DEF8: variants seen among roughly 807,000 people sequenced by gnomAD.
DEF8 encodes DEF-8.
In DEF8, 38 loss-of-function variants were observed where a neutral mutation model predicts 59.1. The observed-to-expected ratio is 0.64, with a 90% CI of 0.50 to 0.84. The LOEUF is 0.84. Ranked by LOEUF, DEF8 falls within the 40% of genes least tolerant of loss-of-function variation. The pLI, the probability that DEF8 is intolerant of heterozygous loss-of-function variation, is 0.00. For missense variants in DEF8, 557 were observed against 615.2 expected, an observed-to-expected ratio of 0.91 and a Z score of 1.00; for synonymous variants, 265 against 250.1, an observed-to-expected ratio of 1.06 and a Z score of -0.56.
At position 89,964,325 on chromosome 16, in the gene DEF8, G is replaced by C; in HGVS notation, c.1143+15G>C. ...TGGACTGCGAGGTGGGCCTCTGCCC[G>C]AGGGCCGCTCTTCTCCAACCCCAGC... On this transcript the variant is annotated intron_variant, in intron 11 of 12. Transcript: ENST00000563594. 6 of 1,570,944 alleles carry C rather than the reference G, an allele frequency of 3.8e-6. No homozygotes were observed. Among genetic ancestry groups the C allele is most frequent in the South Asian group, 1.2e-5 (1 of 85,778 alleles).
Position 89,954,276 on chromosome 16 carries a change from C to T in DEF8, c.24C>T (p.Ala8=). Reference sequence around the variant, plus strand: ...CTATGGAATATGATGAGAAGCTGGCCCGTTTCCGGCAGGCCCACCTCAACC... The same window carrying T: ...CTATGGAATATGATGAGAAGCTGGCTCGTTTCCGGCAGGCCCACCTCAACC... The part of the protein sequence containing the change: MEYDEKL[A]RFRQAHLNPF... Residue 8 remains alanine, a synonymous_variant, in exon 3 of 13, where the codon GCC becomes GCT. Coordinates refer to ENST00000563594, the MANE Select transcript of DEF8 (RefSeq NM_001242818.2). The surrounding 1 kb of genome is among the most constrained non-coding windows in gnomAD (Gnocchi z 4.3). 1.2e-6 allele frequency: 2 copies of T among 1,613,264 alleles called. No homozygotes were observed. The highest frequency in any genetic ancestry group is 1.7e-6 in the Non-Finnish European group (2 of 1,179,954).
At chr16:89,963,532 T>G (rs2034297019) in intron 10 of DEF8, 89 bp downstream of exon 10, 1 of 1,081,678 alleles carries the variant, frequency 9.2e-7, no homozygotes, top group Non-Finnish European at 1.4e-6. Context: ...GGACAGCTTG[T>G]GCGTGGAGTG....
chr16:89,955,151 G>A lies in DEF8; in HGVS notation c.125-18G>A. ...AGGTAGCAGCTGACGCTCCACACCT[G>A]TCCCCGTCTTCCTCCAGAGGCCCTG... On this transcript the variant is annotated intron_variant, in intron 3 of 12. Transcript: ENST00000563594. 1.2e-6 allele frequency: 2 copies of A among 1,603,230 alleles called. No individual in the cohort carries two copies. Among genetic ancestry groups the A allele is most frequent in the Non-Finnish European group, 1.7e-6 (2 of 1,171,950 alleles).
chr16:89,954,663 C>T lies in DEF8; in HGVS notation c.124+287C>T, dbSNP rs1232850314. On this transcript the variant is annotated intron_variant, in intron 3 of 12. Transcript: ENST00000563594. This position sits in a 1 kb window ranked among gnomAD's most constrained non-coding sequence, Gnocchi z 4.3. ...GGGAACACTTGCTGAGTGCGGTCAGCGCTGAGACCTGGTAAGGGAGAGGTT... is the reference window on the plus strand; with the variant it reads ...GGGAACACTTGCTGAGTGCGGTCAGTGCTGAGACCTGGTAAGGGAGAGGTT... Among the ~76,000 whole-genome samples the T allele has an allele frequency of 3.9e-5, 6 of 152,180 alleles. No individual in the cohort carries two copies. The highest frequency in any genetic ancestry group is 1.3e-4 in the Admixed American group (2 of 15,282).
At chr16:89,952,129 G>A (rs1262609291) in intron 2 of DEF8, among the ~76,000 whole-genome samples, 7 of 151,972 alleles carry the variant, frequency 4.6e-5, no homozygotes, top group African/African-American at 4.8e-5. Flanking sequence ...CGCCCGCCTC[G>A]GCCTCCCAAT....
intron 4 of DEF8, 194 bp from the exon 5 acceptor site, chr16:89,957,317 G>A (rs1361711708): frequency 3.6e-6 from 2 of 553,282 alleles, no homozygotes; most frequent in Non-Finnish European, 6.3e-6. Flanking sequence ...CTAGGAGCAC[G>A]CAGCACCGGG....
At chr16:89,961,143 G>C (rs778484153) in intron 7 of DEF8, 48 bp downstream of exon 7, 102 of 1,585,544 alleles carry the variant, frequency 6.4e-5, no homozygotes, top group Non-Finnish European at 8.3e-5. Context: ...GTTCCTGGCG[G>C]GGAGCCGGGT....
At chr16:89,964,353 T>A in intron 11 of DEF8, 43 bp downstream of exon 11, 1 of 1,552,220 alleles carries the variant, frequency 6.4e-7, no homozygotes. Flanking sequence ...ACCCCAGCCC[T>A]GAGGGGGGAT....
intron 7 of DEF8, 38 bp from the exon 8 acceptor site, chr16:89,961,699 G>C (rs200015417): frequency 1.2e-6 from 2 of 1,609,366 alleles, no homozygotes; most frequent in Non-Finnish European, 1.7e-6. Flanking sequence ...TGGGGTTTTT[G>C]TGAGGCAGGG....
Position 89,962,268 on chromosome 16 carries a change from C to T in DEF8, c.921+143C>T, listed in dbSNP as rs370695964. 2.4e-3 allele frequency: 1,658 copies of T among 698,412 alleles called. 54 individuals carry two copies. In the South Asian group the frequency reaches 0.027, roughly 11 times the overall value. 43.3% of individuals were successfully genotyped at this position (698,412 alleles called of 1,614,324 possible). Reference sequence around the variant, plus strand: ...CACCTGCTTAGGGTGAGCCAGGCGCCGCGGCTGCCCTTTTGGTTGAAGGTG... The same window carrying T: ...CACCTGCTTAGGGTGAGCCAGGCGCTGCGGCTGCCCTTTTGGTTGAAGGTG... On this transcript the variant is annotated intron_variant, in intron 9 of 12. Transcript: ENST00000563594.
chr16:89,967,679 TC>T lies in DEF8; in HGVS notation c.*1717del, dbSNP rs1444423652. On this transcript the variant is annotated 3_prime_UTR_variant, in exon 13 of 13. Transcript: ENST00000563594. The stretch of plus-strand genomic sequence containing the variant: ...CAACACCCCAAAGTCTGCACACGTC[TC>T]ATGAATGCATCACATTTCTGTCATA... The T allele has an allele frequency of 5.1e-6, 2 of 394,006 alleles. No homozygotes were observed. The highest frequency in any genetic ancestry group is 7.2e-5 in the East Asian group (2 of 27,808). The allele number at this position is 394,006 out of a possible 1,614,324, so 24.4% of individuals were successfully genotyped here. A position where few individuals can be genotyped will look rare whatever the true frequency, so the allele number is the denominator to read the frequency against.
rs2032770007 is a variant in DEF8 at position 89,954,458 on chromosome 16, C to T, written c.124+82C>T. The T allele has an allele frequency of 2.7e-6, 4 of 1,457,044 alleles. No homozygotes were observed. The highest frequency in any genetic ancestry group is 3.7e-6 in the Non-Finnish European group (4 of 1,075,042). The allele number at this position is 1,457,044 out of a possible 1,614,324, so 90.3% of individuals were successfully genotyped here. On this transcript the variant is annotated intron_variant, in intron 3 of 12. Coordinates refer to ENST00000563594, the MANE Select transcript of DEF8 (RefSeq NM_001242818.2). This position sits in a 1 kb window ranked among gnomAD's most constrained non-coding sequence, Gnocchi z 4.3. Reference sequence around the variant, plus strand: ...GACCCCTCCTTTCTTCCTGCCGCGTCCTGCGCAGCCCTGGCTTTCCCACGG... The same window carrying T: ...GACCCCTCCTTTCTTCCTGCCGCGTTCTGCGCAGCCCTGGCTTTCCCACGG...
intron 6 of DEF8, 151 bp downstream of exon 6, chr16:89,959,306 C>T (rs183029149): frequency 3.0e-4 from 449 of 1,492,102 alleles, no homozygotes; most frequent in Middle Eastern, 9.6e-4. Flanking sequence ...TGCATTTCCT[C>T]GTTGTACTGT....
At chr16:89,965,109 AC>A in intron 12 of DEF8, among the ~76,000 whole-genome samples, 1 of 152,250 alleles carries the variant, frequency 6.6e-6, no homozygotes, top group East Asian at 1.9e-4. Flanking sequence ...TGTTCAAACA[AC>A]TTTATAAGTA....
intron 9 of DEF8, among the ~76,000 whole-genome samples, chr16:89,962,778 TTTC>T (rs1458683474): frequency 6.6e-6 from 1 of 152,260 alleles, no homozygotes; most frequent in Non-Finnish European, 1.5e-5. Flanking sequence ...TTGCTTTCTT[TTTC>T]TTTTTTGTGC....
At chr16:89,957,877 G>C (rs2033474774) in intron 5 of DEF8, 3 of 483,750 alleles carry the variant, frequency 6.2e-6, no homozygotes, top group Non-Finnish European at 1.1e-5. Context: ...CCTGTTGCAA[G>C]GAACAGAAAC....
intron 11 of DEF8, 40 bp from the exon 12 acceptor site, chr16:89,964,426 C>T: frequency 6.4e-7 from 1 of 1,559,704 alleles, no homozygotes; most frequent in Non-Finnish European, 8.7e-7. Flanking sequence ...GGAGCTGGCA[C>T]TGACGTGCCC....
In DEF8 at chr16:89,964,594, CCG is replaced by C. The variant is rs1567809765; in HGVS notation, c.1253+21_1253+22del. 6.5e-7 allele frequency: 1 copy of C among 1,539,228 alleles called. No individual in the cohort carries two copies. Among genetic ancestry groups the C allele is most frequent in the South Asian group, 1.2e-5 (1 of 84,064 alleles). ...TCCACAGGTGGGTGTGGCCTGGGCC[CCG>C]CACTCGGGGGCTGGGGCTCTGCGCT... On this transcript the variant is annotated intron_variant, in intron 12 of 12. Transcript: ENST00000563594.
intron 6 of DEF8, among the ~76,000 whole-genome samples, chr16:89,960,374 T>C (rs534101363): frequency 2.0e-5 from 3 of 152,162 alleles, no homozygotes; most frequent in South Asian, 4.2e-4. Flanking sequence ...CTGAGTGCGG[T>C]GGCTCACGCC....
Sources: allele counts gnomAD v4.1 joint callset (sites outside exome capture counted in the v4.1 genomes callset), GRCh38; gene constraint gnomAD v4.1.1; non-coding constraint Gnocchi (gnomAD v3.1); transcripts MANE v1.5; gene names NCBI Gene and HGNC (gene_info 2026-07-23, HGNC 2026-07-21).